Variants in SLC14A2 observed in about 807,000 individuals in gnomAD.
SLC14A2 encodes the protein solute carrier family 14 member 2.
A neutral mutation model predicts 104.6 loss-of-function variants in SLC14A2; 91 were observed. That is an observed-to-expected ratio of 0.87 (90% CI 0.73 to 1.04). The LOEUF (loss-of-function observed/expected upper bound fraction) is 1.04, where lower values mean the gene tolerates loss of function less well. Ranked by LOEUF, SLC14A2 falls within the 50% of genes least tolerant of loss-of-function variation. The pLI is 0.00. For synonymous variants in SLC14A2, 476 were observed against 466.4 expected, an observed-to-expected ratio of 1.02 and a Z score of -0.27; for missense variants, 1,189 against 1,156.0, an observed-to-expected ratio of 1.03 and a Z score of -0.41.
intron 1 of SLC14A2, among the ~76,000 whole-genome samples, chr18:45,389,451 A>C (rs1374028642): frequency 6.6e-6 from 1 of 152,200 alleles, no homozygotes; most frequent in African/African-American, 2.4e-5. Flanking sequence ...ATCAAGTCAT[A>C]CTATTTTCTC....
upstream of SLC14A2, among the ~76,000 whole-genome samples, chr18:45,212,630 G>A (rs1225684287): frequency 2.0e-5 from 3 of 151,894 alleles, no homozygotes; most frequent in South Asian, 2.1e-4. Context: ...ATAATCTAAC[G>A]CACATGTGTA....
intron 1 of SLC14A2, among the ~76,000 whole-genome samples, chr18:45,415,676 C>T (rs1019248336): frequency 2.0e-4 from 31 of 152,202 alleles, no homozygotes; most frequent in African/African-American, 6.3e-4. Context: ...AGCTTATACC[C>T]GAAATGAGAA....
intron 1 of SLC14A2, among the ~76,000 whole-genome samples, chr18:45,429,773 G>T (rs2086486438): frequency 6.6e-6 from 1 of 152,170 alleles, no homozygotes; most frequent in South Asian, 2.1e-4. Flanking sequence ...GTCTCCTTCT[G>T]TGACTCCCCT....
At chr18:45,401,672 A>G (rs2144454017) in intron 1 of SLC14A2, among the ~76,000 whole-genome samples, 1 of 152,334 alleles carries the variant, frequency 6.6e-6, no homozygotes, top group African/African-American at 2.4e-5. Context: ...TATTTACTAA[A>G]TGGAGAAATA....
At chr18:45,510,413 G>A (rs929857321) in intron 2 of SLC14A2, among the ~76,000 whole-genome samples, 2 of 152,080 alleles carry the variant, frequency 1.3e-5, no homozygotes, top group Non-Finnish European at 2.9e-5. Flanking sequence ...AAAAGACCAG[G>A]CTCTCCTATA....
intron 1 of SLC14A2, among the ~76,000 whole-genome samples, chr18:45,423,039 T>A (rs2086370718): frequency 6.6e-6 from 1 of 152,224 alleles, no homozygotes; most frequent in African/African-American, 2.4e-5. Context: ...CACTCCATTG[T>A]GTCACACATC....
chr18:45,576,236 T>C (rs2044416640), intron 2 of SLC14A2, among the ~76,000 whole-genome samples: 1 of 149,060 alleles, frequency 6.7e-6, no homozygotes, highest in Non-Finnish European at 1.5e-5. Context: ...GCAGTTTCAG[T>C]CTGGGTGTTT....
intron 2 of SLC14A2, among the ~76,000 whole-genome samples, chr18:45,597,088 C>A (rs948814552): frequency 6.6e-6 from 1 of 152,194 alleles, no homozygotes; most frequent in African/African-American, 2.4e-5. Context: ...GAGGCCGAGG[C>A]GGGTGGATTA....
At chr18:45,612,610 C>A (rs1162727527), upstream of SLC14A2, among the ~76,000 whole-genome samples, 1 of 152,224 alleles carries the variant, frequency 6.6e-6, no homozygotes, top group Non-Finnish European at 1.5e-5. Flanking sequence ...ATTGTCCTCA[C>A]CTCACAGATG....
intron 2 of SLC14A2, among the ~76,000 whole-genome samples, chr18:45,499,449 C>A (rs1400918808): frequency 6.6e-6 from 1 of 152,142 alleles, no homozygotes; most frequent in African/African-American, 2.4e-5. Flanking sequence ...GAGGCTGATC[C>A]CAGGATTCTC....
chr18:45,210,060 T>C (rs886484148), upstream of SLC14A2, among the ~76,000 whole-genome samples: 3 of 152,210 alleles, frequency 2.0e-5, no homozygotes, highest in South Asian at 2.1e-4. Flanking sequence ...AATATCCATG[T>C]AGGCAACCCC....
At chr18:45,497,258 A>C (rs1368188744) in intron 2 of SLC14A2, among the ~76,000 whole-genome samples, 1 of 152,204 alleles carries the variant, frequency 6.6e-6, no homozygotes, top group South Asian at 2.1e-4. Flanking sequence ...TCTTGCAAGC[A>C]TGAACCTGAT....
At chr18:45,426,662 T>C (rs2086434706) in intron 1 of SLC14A2, among the ~76,000 whole-genome samples, 1 of 144,900 alleles carries the variant, frequency 6.9e-6, no homozygotes, top group Non-Finnish European at 1.5e-5. Flanking sequence ...TACATACATA[T>C]ACATATATAT....
At chr18:45,569,641 G>A (rs1036068614) in intron 2 of SLC14A2, among the ~76,000 whole-genome samples, 1 of 152,194 alleles carries the variant, frequency 6.6e-6, no homozygotes, top group Non-Finnish European at 1.5e-5. Context: ...TGGGTAATTA[G>A]GTAAGCTGTA....
chr18:45,394,446 G>T (rs2086006691), intron 1 of SLC14A2, among the ~76,000 whole-genome samples: 1 of 151,380 alleles, frequency 6.6e-6, no homozygotes, highest in Admixed American at 6.6e-5. Context: ...AGCTTTCTTT[G>T]AAACTCGAAG....
intron 2 of SLC14A2, among the ~76,000 whole-genome samples, chr18:45,600,123 A>G (rs1421819677): frequency 6.6e-6 from 1 of 152,184 alleles, no homozygotes; most frequent in East Asian, 1.9e-4. Context: ...ATGAAAATGT[A>G]GGGCGCTTGT....
At chr18:45,311,476 A>G (rs1385179374) in intron 1 of SLC14A2, among the ~76,000 whole-genome samples, 1 of 152,198 alleles carries the variant, frequency 6.6e-6, no homozygotes, top group Non-Finnish European at 1.5e-5. Flanking sequence ...TCTTTGGACC[A>G]AGGCAGGGTA....
the SLC14A2 span, among the ~76,000 whole-genome samples, chr18:45,204,361 T>C: frequency 6.6e-6 from 1 of 152,184 alleles, no homozygotes; most frequent in Admixed American, 6.5e-5. Context: ...CGGGTCTACT[T>C]GATTGTCTGT....
At chr18:45,208,110 G>A (rs192733720), upstream of SLC14A2, among the ~76,000 whole-genome samples, 415 of 152,056 alleles carry the variant, frequency 2.7e-3, 4 homozygotes, top group African/African-American at 9.5e-3. Flanking sequence ...ACCTCTATAT[G>A]ACAAAGCTGT....
Sources: allele counts gnomAD v4.1 joint callset (sites outside exome capture counted in the v4.1 genomes callset), GRCh38; gene constraint gnomAD v4.1.1; transcripts MANE v1.5; gene names NCBI Gene and HGNC (gene_info 2026-07-23, HGNC 2026-07-21).